Variants in U2AF1L4 observed in about 807,000 individuals in gnomAD.
U2AF1L4 encodes U2 small nuclear RNA auxiliary factor 1 like 4.
In U2AF1L4, 21 loss-of-function variants were observed where a neutral mutation model predicts 21.7. The observed-to-expected ratio is 0.97, with a 90% CI of 0.69 to 1.39. The LOEUF is 1.39. Among genes scored for constraint, U2AF1L4 ranks in the 40% most tolerant of loss-of-function variants. The pLI is 0.00. For synonymous variants in U2AF1L4, 92 were observed against 89.7 expected (o/e 1.03, Z -0.15); for missense variants, 259 against 245.7 (o/e 1.05, Z -0.36).
At position 35,745,411 on chromosome 19, in the gene U2AF1L4, G is replaced by T; in HGVS notation, c.-20C>A. Reference sequence around the variant, plus strand: ...AGCCATTTTTACCCAAGCCCTCCAGGTCTGGCTGCTCTTACGTCACTTCCG... The same window carrying T: ...AGCCATTTTTACCCAAGCCCTCCAGTTCTGGCTGCTCTTACGTCACTTCCG... On this transcript the variant is annotated 5_prime_UTR_variant, in exon 1 of 6. Coordinates refer to ENST00000378975, the MANE Select transcript of U2AF1L4 (RefSeq NM_001040425.3). 5 of 1,614,176 alleles carry T rather than the reference G, an allele frequency of 3.1e-6. No individual in the cohort carries two copies. The highest frequency in any genetic ancestry group is 4.2e-6 in the Non-Finnish European group (5 of 1,180,022).
intron 3 of U2AF1L4, 49 bp downstream of exon 3, chr19:35,744,274 G>A (rs755693473): frequency 6.2e-7 from 1 of 1,610,004 alleles, no homozygotes; most frequent in Non-Finnish European, 8.5e-7. Flanking sequence ...CCACCATCAG[G>A]CATTGAAACG....
downstream of U2AF1L4, chr19:35,742,467 G>C: frequency 6.5e-7 from 1 of 1,547,972 alleles, no homozygotes; most frequent in Non-Finnish European, 8.7e-7. Context: ...ACCCAGTCTT[G>C]TTTCCCCTTT....
intron 5 of U2AF1L4, 116 bp downstream of exon 5, chr19:35,743,693 A>G: frequency 1.1e-6 from 1 of 912,562 alleles, no homozygotes; most frequent in Non-Finnish European, 1.7e-6. Flanking sequence ...TCTCAAAAAA[A>G]AAAAAAAAAA....
At chr19:35,742,892 C>CA (rs1433763818) in intron 5 of U2AF1L4, 89 bp from the exon 6 acceptor site, 1 of 1,228,586 alleles carries the variant, frequency 8.1e-7, no homozygotes, top group Non-Finnish European at 1.2e-6. Context: ...TGGGATGAGG[C>CA]AGGAGGGTGC....
chr19:35,744,189 C>G, intron 3 of U2AF1L4, 44 bp from the exon 4 acceptor site: 1 of 1,608,726 alleles, frequency 6.2e-7, no homozygotes, highest in African/African-American at 1.3e-5. Context: ...ACTCAGAGAT[C>G]TTCAGGGGAC....
intron 5 of U2AF1L4, chr19:35,743,400 A>AAAAC: frequency 4.6e-6 from 1 of 215,232 alleles, no homozygotes. Context: ...AAAAAAAAAA[A>AAAAC]AAACAGTCAG....
chr19:35,742,487 G>C (rs1266444543), downstream of U2AF1L4: 1 of 1,569,476 alleles, frequency 6.4e-7, no homozygotes, highest in Non-Finnish European at 8.6e-7. Context: ...TTCGTCACAT[G>C]TGTGGGTGGA....
intron 2 of U2AF1L4, chr19:35,744,685 A>G (rs1327275217): frequency 6.5e-7 from 1 of 1,536,208 alleles, no homozygotes; most frequent in South Asian, 1.2e-5. Flanking sequence ...GTTGAGCAGC[A>G]CTATGGTCTG....
chr19:35,743,654 T>G, intron 5 of U2AF1L4, 155 bp downstream of exon 5: 1 of 716,258 alleles, frequency 1.4e-6, no homozygotes. Context: ...GCCAATGCAC[T>G]CCAGCCTGGG....
intron 2 of U2AF1L4, 106 bp from the exon 3 acceptor site, chr19:35,744,527 G>C (rs761086890): frequency 1.2e-6 from 2 of 1,600,746 alleles, no homozygotes; most frequent in Non-Finnish European, 1.7e-6. Flanking sequence ...GCACCTCCAC[G>C]TCACTCACAT....
chr19:35,744,952 GA>G, intron 2 of U2AF1L4, 172 bp downstream of exon 2: 1 of 764,150 alleles, frequency 1.3e-6, no homozygotes, highest in Non-Finnish European at 2.1e-6. Flanking sequence ...AAGTTCCCGG[GA>G]AAACGGCACG....
intron 5 of U2AF1L4, 89 bp from the exon 6 acceptor site, chr19:35,742,892 C>A: frequency 1.6e-6 from 2 of 1,228,704 alleles, no homozygotes; most frequent in South Asian, 2.5e-5. Context: ...TGGGATGAGG[C>A]AGGAGGGTGC....
At chr19:35,744,998 T>G in intron 2 of U2AF1L4, 127 bp downstream of exon 2, 1 of 954,836 alleles carries the variant, frequency 1.0e-6, no homozygotes, top group Non-Finnish European at 1.5e-6. Context: ...AAAGGTCCAA[T>G]GAGAAAAAAA....
intron 3 of U2AF1L4, 35 bp from the exon 4 acceptor site, chr19:35,744,180 C>G: frequency 6.2e-7 from 1 of 1,610,594 alleles, no homozygotes; most frequent in African/African-American, 1.3e-5. Context: ...AGCAGGAGAA[C>G]TCAGAGATCT....
At chr19:35,744,736 G>C in intron 2 of U2AF1L4, 1 of 1,535,540 alleles carries the variant, frequency 6.5e-7, no homozygotes, top group African/African-American at 1.4e-5. Flanking sequence ...TCAGAGGGCA[G>C]GGCTGCATGA....
In U2AF1L4 at chr19:35,745,196, A is replaced by T. The variant is rs1970517405; in HGVS notation, c.61T>A (p.Tyr21Asn). ...TEKDKVNCSF[Y>N]FKIGVCRHGD... ...TGCCGGCAGACCCCGATCTTAAAGTAAAAAGAGCAGTTAACCCTGGAAAAG... is the reference window on the plus strand; with the variant it reads ...TGCCGGCAGACCCCGATCTTAAAGTTAAAAGAGCAGTTAACCCTGGAAAAG... The change falls in exon 2 of 6, where the codon TAC (tyrosine) becomes AAC (asparagine). Residue 21 changes from tyrosine to asparagine, a missense_variant. Coordinates refer to ENST00000378975, the MANE Select transcript of U2AF1L4 (RefSeq NM_001040425.3). The T allele has an allele frequency of 6.2e-7, 1 of 1,613,696 alleles. No homozygotes were observed. Among genetic ancestry groups the T allele is most frequent in the Non-Finnish European group, 8.5e-7 (1 of 1,179,972 alleles).
At chr19:35,744,929 TG>T in intron 2 of U2AF1L4, 195 bp downstream of exon 2, 2 of 706,956 alleles carry the variant, frequency 2.8e-6, no homozygotes, top group Non-Finnish European at 4.6e-6. Flanking sequence ...CCTGTACGCA[TG>T]GGGGCGCGAC....
At chr19:35,742,503 A>G, downstream of U2AF1L4, 3 of 1,586,584 alleles carry the variant, frequency 1.9e-6, no homozygotes, top group Non-Finnish European at 2.6e-6. Flanking sequence ...GTGGAGGGAA[A>G]TGCCAAACCA....
rs984081990 is a variant in U2AF1L4, at chr19:35,744,370, C to T, written c.184G>A (p.Val62Met). 16 of 1,614,080 alleles carry T rather than the reference C, an allele frequency of 9.9e-6. No homozygotes were observed. Among genetic ancestry groups the T allele is most frequent in the African/African-American group, 1.3e-5 (1 of 74,932 alleles). Residue 62 changes from valine (V) to methionine (M), a missense_variant, in exon 3 of 6, where the codon GTG (valine) becomes ATG (methionine). Val to Met is a conservative substitution (Grantham distance 21). Coordinates refer to ENST00000378975, the MANE Select transcript of U2AF1L4 (RefSeq NM_001040425.3). ...AGGTGGTCCCCAAGGTTGTCGCACA[C>T]ATTCATCTCTTCAATCTCCCCATAC... ...EKYGEIEEMN[V>M]CDNLGDHLVG...
Sources: gnomAD v4.1 joint callset for allele counts on GRCh38, gnomAD v4.1.1 for gene constraint, MANE v1.5 for transcripts, NCBI Gene and HGNC (gene_info 2026-07-23, HGNC 2026-07-21) for gene names.